Variants in PCDH15 observed in about 807,000 individuals in gnomAD.
PCDH15 encodes protocadherin-15.
A neutral mutation model predicts 178.5 loss-of-function variants in PCDH15; 129 were observed. The observed-to-expected ratio is 0.72, with a 90% confidence interval of 0.63 to 0.84. The LOEUF (loss-of-function observed/expected upper bound fraction) is 0.84, where lower values mean the gene tolerates loss of function less well. PCDH15 is among the 40% of genes least tolerant of loss of function. PCDH15 has a pLI of 0.00. For missense variants in PCDH15, 2,230 were observed against 2,099.9 expected (o/e 1.06, Z -1.21); for synonymous variants, 800 against 732.0 (o/e 1.09, Z -1.50).
At chr10:54,662,693 G>A (rs546937125) in intron 2 of PCDH15, among the ~76,000 whole-genome samples, 35 of 152,010 alleles carry the variant, frequency 2.3e-4, no homozygotes, top group African/African-American at 7.9e-4. Context: ...TGCATGGTTC[G>A]TGGATGTCTA....
rs569907497 is a variant in PCDH15, at chr10:54,510,198, G to T, written c.157+17614C>A. ...CTTTTCCTGATTGTCTTTATGCAGA[G>T]CCCTAAAGAAGTTAGTGGTAAAGCC... On this transcript the variant is annotated intron_variant, in intron 3 of 37. Coordinates refer to ENST00000644397, the MANE Select transcript of PCDH15 (RefSeq NM_001384140.1). Among the ~76,000 whole-genome samples, 3 of 152,268 alleles carry T rather than the reference G, an allele frequency of 2.0e-5. No homozygotes were observed. The South Asian group carries it at 6.2e-4, about 32-fold the overall frequency.
chr10:54,596,936 G>C (rs2092270939), intron 2 of PCDH15, among the ~76,000 whole-genome samples: 2 of 152,082 alleles, frequency 1.3e-5, no homozygotes, highest in South Asian at 4.1e-4. Context: ...GAAACATTCA[G>C]ATTTATAAAC....
chr10:54,133,058 A>G lies in PCDH15; in HGVS notation c.1785-51T>C, dbSNP rs111796916. The stretch of plus-strand genomic sequence containing the variant: ...ATGGTTACGAATCTGCATCACATTT[A>G]ATGTTAGACTGCATTGTTTATTCAG... On this transcript the variant is annotated intron_variant, in intron 14 of 37. Coordinates refer to ENST00000644397, the MANE Select transcript of PCDH15 (RefSeq NM_001384140.1). 5 of 1,611,440 alleles carry G rather than the reference A, an allele frequency of 3.1e-6. No individual in the cohort carries two copies. In the African/African-American group the frequency reaches 4.0e-5, roughly 13 times the overall value.
chr10:54,178,834 C>A (rs1362115935), intron 13 of PCDH15, among the ~76,000 whole-genome samples: 1 of 152,028 alleles, frequency 6.6e-6, no homozygotes, highest in African/African-American at 2.4e-5. Flanking sequence ...TCATCACTGG[C>A]CATCAGAGAA....
At chr10:55,200,264 T>C (rs1371431961) in intron 1 of PCDH15, among the ~76,000 whole-genome samples, 3 of 152,136 alleles carry the variant, frequency 2.0e-5, no homozygotes, top group African/African-American at 7.2e-5. Flanking sequence ...CAGTGTGGCC[T>C]AGATGTAAGA....
intron 3 of PCDH15, among the ~76,000 whole-genome samples, chr10:54,833,349 G>A (rs931754351): frequency 6.6e-6 from 1 of 152,174 alleles, no homozygotes; most frequent in Non-Finnish European, 1.5e-5. Context: ...TTTTTTAGAT[G>A]TGAATGACAT....
chr10:54,758,548 T>C (rs1947459730), intron 1 of PCDH15, among the ~76,000 whole-genome samples: 1 of 152,210 alleles, frequency 6.6e-6, no homozygotes, highest in African/African-American at 2.4e-5. Context: ...ATATACACAA[T>C]ATGTATATAA....
At chr10:54,092,323 T>C (rs1432429764) in intron 15 of PCDH15, among the ~76,000 whole-genome samples, 2 of 152,172 alleles carry the variant, frequency 1.3e-5, no homozygotes, top group Non-Finnish European at 2.9e-5. Context: ...ACTAACGTGT[T>C]GCTTCTTCCC....
rs72121105 is a variant in PCDH15, at chr10:55,405,283, G to GATATATAT, written c.-156+222334_-156+222341dup. ...TGTGTATATGTAGTGTGAGGTAACA[G>GATATATAT]ATATATATATATATATATATACAAT... On this transcript the variant is annotated intron_variant, in intron 2 of 5. Coordinates refer to the PCDH15 transcript ENST00000613346. 1.5e-3 allele frequency among the ~76,000 whole-genome samples: 160 copies of GATATATAT among 108,086 alleles called. 9 individuals carry two copies. Among genetic ancestry groups the GATATATAT allele is most frequent in the African/African-American group, 4.4e-3 (125 of 28,570 alleles). The allele number at this position is 108,086 out of a possible 152,430, so 70.9% of individuals were successfully genotyped here.
At chr10:55,021,688 T>C (rs1029765545) in intron 2 of PCDH15, among the ~76,000 whole-genome samples, 4 of 152,186 alleles carry the variant, frequency 2.6e-5, no homozygotes, top group African/African-American at 9.7e-5. Context: ...AGATGTTGGG[T>C]TCATGGGCAA....
chr10:54,713,539 T>G (rs559559001), intron 1 of PCDH15, among the ~76,000 whole-genome samples: 1 of 152,232 alleles, frequency 6.6e-6, no homozygotes, highest in South Asian at 2.1e-4. Context: ...TCCGAATTGA[T>G]TAAGTAGTCA....
At chr10:55,582,909 T>C (rs1459799029) in intron 2 of PCDH15, among the ~76,000 whole-genome samples, 1 of 151,952 alleles carries the variant, frequency 6.6e-6, no homozygotes, top group African/African-American at 2.4e-5. Context: ...AAATACGTAA[T>C]TGCCATTAAT....
chr10:55,465,915 C>G (rs900762783), intron 2 of PCDH15, among the ~76,000 whole-genome samples: 2 of 152,116 alleles, frequency 1.3e-5, no homozygotes, highest in African/African-American at 4.8e-5. Context: ...ATCTACAAAT[C>G]AGTTACCTTA....
intron 2 of PCDH15, among the ~76,000 whole-genome samples, chr10:55,032,340 T>A (rs1056769509): frequency 2.0e-5 from 3 of 152,184 alleles, no homozygotes; most frequent in Admixed American, 6.5e-5. Flanking sequence ...GACAAAAAAA[T>A]ATCTCTTAGT....
rs116224679 is a variant in PCDH15, at chr10:54,089,155, C to A, written c.1997+829G>T. Among the ~76,000 whole-genome samples, 539 of 152,306 alleles carry A rather than the reference C, an allele frequency of 3.5e-3. 2 individuals are homozygous for A. The highest frequency in any genetic ancestry group is 0.012 in the African/African-American group (512 of 41,580). ...GAAATTTCAGGTATTTCTGGGAAGACTAATTGACCAGCACATGGTTCTCTT... is the reference window on the plus strand; with the variant it reads ...GAAATTTCAGGTATTTCTGGGAAGAATAATTGACCAGCACATGGTTCTCTT... On this transcript the variant is annotated intron_variant, in intron 16 of 37. Transcript: ENST00000644397.
chr10:55,062,935 G>A (rs1046707542), intron 2 of PCDH15, among the ~76,000 whole-genome samples: 16 of 151,864 alleles, frequency 1.1e-4, no homozygotes, highest in African/African-American at 3.4e-4. Flanking sequence ...CAATATTTTT[G>A]GACACTATAA....
chr10:54,540,547 A>C (rs535296919), intron 2 of PCDH15, among the ~76,000 whole-genome samples: 1 of 152,240 alleles, frequency 6.6e-6, no homozygotes, highest in African/African-American at 2.4e-5. Context: ...GCCCCACACC[A>C]GATGAACTCA....
rs1047665985 is a variant in PCDH15 at position 55,601,557 on chromosome 10, T to C, written c.-156+26068A>G. Among the ~76,000 whole-genome samples, 4 of 152,116 alleles carry C rather than the reference T, an allele frequency of 2.6e-5. 1 individual carries two copies. The highest frequency in any genetic ancestry group is 2.6e-4 in the Admixed American group (4 of 15,266). The stretch of plus-strand genomic sequence containing the variant: ...TATAAGCAAGTACAAGTAAGTGATG[T>C]TAATTAGGTGGATTGAAATAATGGT... On this transcript the variant is annotated intron_variant, in intron 2 of 5. Transcript: ENST00000613346.
At chr10:55,406,056 C>T (rs1838190473) in intron 2 of PCDH15, among the ~76,000 whole-genome samples, 1 of 123,004 alleles carries the variant, frequency 8.1e-6, no homozygotes. Flanking sequence ...TAGTTGGCAG[C>T]ATGTTCCCAT....
Sources: allele counts gnomAD v4.1 joint callset (sites outside exome capture counted in the v4.1 genomes callset), GRCh38; gene constraint gnomAD v4.1.1; transcripts MANE v1.5; gene names NCBI Gene and HGNC (gene_info 2026-07-23, HGNC 2026-07-21).